Variants in GPC5 observed in about 807,000 individuals in gnomAD.
The protein encoded by GPC5 is glypican 5.
GPC5 carries 47 observed loss-of-function variants against 53.9 expected under a neutral mutation model. That is an observed-to-expected ratio of 0.87 (90% CI 0.69 to 1.11). The LOEUF (loss-of-function observed/expected upper bound fraction) is 1.11, where lower values mean the gene tolerates loss of function less well. Among genes scored for constraint, GPC5 ranks in the 50% most tolerant of loss-of-function variants. GPC5 has a pLI of 0.00. For synonymous variants in GPC5, 286 were observed against 263.3 expected (o/e 1.09, Z -0.84); for missense variants, 748 against 713.1 (o/e 1.05, Z -0.56).
chr13:92,061,760 A>C (rs1433013303), intron 6 of GPC5, among the ~76,000 whole-genome samples: 1 of 151,880 alleles, frequency 6.6e-6, no homozygotes, highest in Non-Finnish European at 1.5e-5. Context: ...CTGAAGTTTC[A>C]TTTTTCTATA....
chr13:92,636,312 G>C, intron 7 of GPC5, among the ~76,000 whole-genome samples: 2 of 151,496 alleles, frequency 1.3e-5, no homozygotes, highest in Middle Eastern at 3.4e-3. Flanking sequence ...TGGTGAAGAG[G>C]TATCACCGTA....
intron 2 of GPC5, among the ~76,000 whole-genome samples, chr13:91,540,836 A>G (rs1406580423): frequency 2.0e-5 from 3 of 152,144 alleles, no homozygotes; most frequent in Admixed American, 1.3e-4. Flanking sequence ...ACAGCTGATT[A>G]CATGTACTTA....
chr13:92,652,867 A>G (rs1004826164), intron 7 of GPC5, among the ~76,000 whole-genome samples: 2 of 152,086 alleles, frequency 1.3e-5, no homozygotes, highest in African/African-American at 4.8e-5. Context: ...CTGCCCTCAC[A>G]ACCCTTCAAA....
intron 5 of GPC5, among the ~76,000 whole-genome samples, chr13:91,759,477 G>C (rs1405133279): frequency 6.6e-6 from 1 of 151,756 alleles, no homozygotes; most frequent in East Asian, 1.9e-4. Context: ...TACTCATTCT[G>C]TCTAACTATA....
At chr13:91,507,702 A>G (rs757181564) in intron 2 of GPC5, among the ~76,000 whole-genome samples, 5 of 152,192 alleles carry the variant, frequency 3.3e-5, no homozygotes, top group Non-Finnish European at 7.3e-5. Flanking sequence ...ATCACCTCCC[A>G]AAGACTGTAC....
intron 7 of GPC5, chr13:92,448,786 T>G (rs1877936701): frequency 6.6e-6 from 1 of 150,860 alleles, no homozygotes; most frequent in East Asian, 2.0e-4. Flanking sequence ...AATTGATAAT[T>G]CAGCACATGG....
intron 5 of GPC5, among the ~76,000 whole-genome samples, chr13:91,840,162 ATT>A (rs2038768677): frequency 6.6e-6 from 1 of 151,894 alleles, no homozygotes. Flanking sequence ...TTAAAAAAAA[ATT>A]TTCTACTTTT....
At chr13:92,248,195 G>T (rs1358892497) in intron 7 of GPC5, among the ~76,000 whole-genome samples, 2 of 100,374 alleles carry the variant, frequency 2.0e-5, no homozygotes, top group Non-Finnish European at 3.9e-5. Context: ...TAGAGGTATG[G>T]CCATAGGAAA....
intron 7 of GPC5, among the ~76,000 whole-genome samples, chr13:92,820,733 C>T (rs928033777): frequency 1.3e-5 from 2 of 152,112 alleles, no homozygotes; most frequent in Non-Finnish European, 2.9e-5. Flanking sequence ...CTACCTAGAA[C>T]ATGTATTTTC....
intron 2 of GPC5, among the ~76,000 whole-genome samples, chr13:91,534,390 A>G (rs919196224): frequency 5.3e-5 from 8 of 152,182 alleles, no homozygotes; most frequent in South Asian, 2.1e-4. Context: ...AATTCTTTAT[A>G]CCTCAGTTTT....
intron 7 of GPC5, among the ~76,000 whole-genome samples, chr13:92,779,138 G>A (rs894052177): frequency 3.3e-5 from 5 of 152,082 alleles, no homozygotes; most frequent in African/African-American, 4.8e-5. Flanking sequence ...CACAGCAGAA[G>A]GAGAAAGGTA....
chr13:92,253,695 A>T (rs544131885), intron 7 of GPC5, among the ~76,000 whole-genome samples: 4 of 152,118 alleles, frequency 2.6e-5, no homozygotes, highest in Non-Finnish European at 5.9e-5. Context: ...TACTCTAAGT[A>T]AGTGAATAAT....
chr13:92,457,657 T>G (rs73632222), intron 7 of GPC5, among the ~76,000 whole-genome samples: 1 of 152,160 alleles, frequency 6.6e-6, no homozygotes, highest in Admixed American at 6.5e-5. Context: ...GCTTTGTGTA[T>G]CTCGCTAGCT....
Position 92,548,767 on chromosome 13 carries a change from A to G in GPC5, c.1562-317515A>G, listed in dbSNP as rs190762172. ...CCCAGAACTCCTATTTCTTGGTTTTATTTCTTGGTCTACTTTGTTAATATC... is the reference window on the plus strand; with the variant it reads ...CCCAGAACTCCTATTTCTTGGTTTTGTTTCTTGGTCTACTTTGTTAATATC... On this transcript the variant is annotated intron_variant, in intron 7 of 7. Transcript: ENST00000377067. Among the ~76,000 whole-genome samples, 363 of 152,098 alleles carry G rather than the reference A, an allele frequency of 2.4e-3. 3 individuals are homozygous for G. Among genetic ancestry groups the G allele is most frequent in the African/African-American group, 8.1e-3 (337 of 41,512 alleles).
rs149599380 is a variant in GPC5, at chr13:91,985,052, G to A, written c.1401+76995G>A. 1.3e-3 allele frequency among the ~76,000 whole-genome samples: 196 copies of A among 152,168 alleles called. 2 individuals carry two copies. The highest frequency in any genetic ancestry group is 3.9e-3 in the African/African-American group (162 of 41,542). On this transcript the variant is annotated intron_variant, in intron 6 of 7. Coordinates refer to ENST00000377067, the MANE Select transcript of GPC5 (RefSeq NM_004466.6). ...TGTTTTTTCTAATTAGAAAGTTATC[G>A]TAAATTATTCAGCTATGATTATGCA...
chr13:92,185,759 A>G (rs932398069), intron 7 of GPC5, among the ~76,000 whole-genome samples: 1 of 152,164 alleles, frequency 6.6e-6, no homozygotes, highest in African/African-American at 2.4e-5. Context: ...TTAGCTTATG[A>G]CCCTGTGTTG....
chr13:92,455,071 G>A (rs1878206865), intron 7 of GPC5, among the ~76,000 whole-genome samples: 1 of 152,122 alleles, frequency 6.6e-6, no homozygotes, highest in Non-Finnish European at 1.5e-5. Flanking sequence ...TACGAACTCA[G>A]AGCAAGGAAT....
intron 7 of GPC5, among the ~76,000 whole-genome samples, chr13:92,580,024 A>G (rs916817659): frequency 2.6e-5 from 4 of 152,216 alleles, no homozygotes; most frequent in Non-Finnish European, 2.9e-5. Context: ...TATAGAGGTG[A>G]AAGAGACCTC....
chr13:92,517,689 T>C (rs181169056), intron 7 of GPC5, among the ~76,000 whole-genome samples: 48 of 152,094 alleles, frequency 3.2e-4, no homozygotes, highest in Admixed American at 6.5e-4. Context: ...TACGTCACCA[T>C]CATCAAAGAC....
Sources: gnomAD v4.1 joint callset for allele counts (sites outside exome capture counted in the v4.1 genomes callset) on GRCh38, gnomAD v4.1.1 for gene constraint, MANE v1.5 for transcripts, NCBI Gene and HGNC (gene_info 2026-07-23, HGNC 2026-07-21) for gene names.